Variants in RANBP9 observed in about 807,000 individuals in gnomAD.
RANBP9 encodes the protein ran-binding protein 9.
RANBP9 carries 15 observed loss-of-function variants against 84.3 expected under a neutral mutation model. The ratio of observed to expected loss-of-function variants is 0.18; its 90% CI spans 0.12 to 0.27. The LOEUF (loss-of-function observed/expected upper bound fraction) is 0.27. Ranked by LOEUF, RANBP9 falls within the 10% of genes least tolerant of loss-of-function variation. RANBP9 has a pLI of 1.00. For synonymous variants in RANBP9, 392 were observed against 349.6 expected (o/e 1.12, Z -1.35); for missense variants, 809 against 912.8 (o/e 0.89, Z 1.46).
chr6:13,670,224 C>T (rs145341259), intron 2 of RANBP9, among the ~76,000 whole-genome samples: 199 of 151,780 alleles, frequency 1.3e-3, no homozygotes, highest in African/African-American at 4.5e-3. Flanking sequence ...GCCTGGGAGG[C>T]GGAGGTTGCA....
At chr6:13,693,864 G>A (rs1278037603) in intron 2 of RANBP9, among the ~76,000 whole-genome samples, 1 of 152,040 alleles carries the variant, frequency 6.6e-6, no homozygotes, top group Non-Finnish European at 1.5e-5. Context: ...CCAACATTGT[G>A]AAACCCTGTC....
In RANBP9 at chr6:13,705,406, C is replaced by CAAAAA. The variant is rs774239782; in HGVS notation, c.571+5524_571+5528dup. Reference sequence around the variant, plus strand: ...TGGGCGACAGAGCAAGATTCTGTCTCAAAAAAAAAAAAAAAAAAAAAAAAA... The same window carrying CAAAAA: ...TGGGCGACAGAGCAAGATTCTGTCTCAAAAAAAAAAAAAAAAAAAAAAAAAAAAAA... On this transcript the variant is annotated intron_variant, in intron 1 of 13. Transcript: ENST00000011619. Among the ~76,000 whole-genome samples, 130 of 26,758 alleles carry CAAAAA rather than the reference C, an allele frequency of 4.9e-3. 15 individuals carry two copies. Among genetic ancestry groups the CAAAAA allele is most frequent in the African/African-American group, 0.013 (100 of 7,926 alleles). 17.6% of individuals were successfully genotyped at this position (26,758 alleles called of 152,430 possible). A position where few individuals can be genotyped will look rare whatever the true frequency, so the allele number is the denominator to read the frequency against.
intron 4 of RANBP9, among the ~76,000 whole-genome samples, chr6:13,655,645 G>A (rs1347420787): frequency 6.6e-6 from 1 of 152,102 alleles, no homozygotes; most frequent in Non-Finnish European, 1.5e-5. Context: ...ACCTGTGATT[G>A]TCTTATCTCC....
intron 11 of RANBP9, among the ~76,000 whole-genome samples, chr6:13,633,314 G>A (rs1441854854): frequency 2.6e-5 from 4 of 152,182 alleles, no homozygotes; most frequent in African/African-American, 9.7e-5. Context: ...GATTACAGGC[G>A]TGAGCCACCA....
chr6:13,644,787 C>T lies in RANBP9; in HGVS notation c.928-58G>A, dbSNP rs1361017185. ...CCATTTTATGTTAGATTTAATAATT[C>T]TTTTAATGTTACATTTAAAAGAATA... is the stretch of plus-strand genomic sequence containing the variant. On this transcript the variant is annotated intron_variant, in intron 5 of 13. Transcript: ENST00000011619. 8 of 1,297,422 alleles carry T rather than the reference C, an allele frequency of 6.2e-6. No homozygotes were observed. In the East Asian group the frequency reaches 1.8e-4, roughly 30 times the overall value. 80.4% of individuals were successfully genotyped at this position (1,297,422 alleles called of 1,614,324 possible). A position where few individuals can be genotyped will look rare whatever the true frequency, so the allele number is the denominator to read the frequency against.
chr6:13,658,342 C>T (rs1217182967), intron 3 of RANBP9, among the ~76,000 whole-genome samples: 1 of 152,206 alleles, frequency 6.6e-6, no homozygotes, highest in Non-Finnish European at 1.5e-5. Flanking sequence ...GGCATGGTGG[C>T]TCACGCCTGT....
chr6:13,624,431 A>AACAGC (rs1271750335), intron 13 of RANBP9, among the ~76,000 whole-genome samples: 3 of 152,182 alleles, frequency 2.0e-5, no homozygotes, highest in Non-Finnish European at 2.9e-5. Context: ...TGCAGGGCCA[A>AACAGC]ACAGCACAGC....
At position 13,658,786 on chromosome 6, in the gene RANBP9, G is replaced by A. The variant is rs1236299604; in HGVS notation, c.730C>T (p.Leu244=). The A allele has an allele frequency of 6.4e-7, 1 of 1,564,102 alleles. No homozygotes were observed. The highest frequency in any genetic ancestry group is 1.7e-5 in the Admixed American group (1 of 59,938). The part of the protein sequence containing the change: ...LSAQGVNMNR[L]PGWDKHSYGY... ...AATTCAATTACAAGTGTACCTGGTA[G>A]TCTATTCATGTTCACACCTTGAGCA... The change falls in exon 3 of 14, where the codon CTA becomes TTA. Residue 244 remains leucine (L), a synonymous_variant. Coordinates refer to ENST00000011619, the MANE Select transcript of RANBP9 (RefSeq NM_005493.3).
At chr6:13,676,291 G>GA (rs1316909919) in intron 2 of RANBP9, among the ~76,000 whole-genome samples, 1 of 151,354 alleles carries the variant, frequency 6.6e-6, no homozygotes, top group Non-Finnish European at 1.5e-5. Flanking sequence ...CATATACTCA[G>GA]AAAAAAATAA....
At chr6:13,640,989 G>A (rs1411401716) in intron 8 of RANBP9, among the ~76,000 whole-genome samples, 1 of 151,926 alleles carries the variant, frequency 6.6e-6, no homozygotes, top group Non-Finnish European at 1.5e-5. Flanking sequence ...AATAATAAAA[G>A]CAAATACATA....
chr6:13,624,743 C>A (rs1453753884), intron 13 of RANBP9, among the ~76,000 whole-genome samples: 3 of 152,170 alleles, frequency 2.0e-5, no homozygotes, highest in East Asian at 3.8e-4. Context: ...TGATGCTCAC[C>A]CCTGGCTAAG....
intron 2 of RANBP9, among the ~76,000 whole-genome samples, chr6:13,694,226 T>C (rs2113353391): frequency 6.6e-6 from 1 of 152,310 alleles, no homozygotes; most frequent in Non-Finnish European, 1.5e-5. Flanking sequence ...TGTATATACA[T>C]GTTTACAGTT....
chr6:13,654,634 A>G (rs1182223869), intron 4 of RANBP9, among the ~76,000 whole-genome samples: 1 of 152,202 alleles, frequency 6.6e-6, no homozygotes, highest in Non-Finnish European at 1.5e-5. Flanking sequence ...AGGACTACTA[A>G]TATGTTCTGC....
At chr6:13,670,937 T>C (rs1395349614) in intron 2 of RANBP9, among the ~76,000 whole-genome samples, 2 of 152,032 alleles carry the variant, frequency 1.3e-5, no homozygotes, top group South Asian at 2.1e-4. Context: ...ATATATCTGA[T>C]AGGGTAACTT....
intron 5 of RANBP9, among the ~76,000 whole-genome samples, chr6:13,649,881 G>A (rs1584922860): frequency 1.3e-5 from 2 of 151,956 alleles, no homozygotes; most frequent in Admixed American, 6.6e-5. Flanking sequence ...GGTCACCAAC[G>A]ACCTCTACTC....
chr6:13,651,834 C>A (rs1433609980), intron 5 of RANBP9, among the ~76,000 whole-genome samples: 1 of 152,158 alleles, frequency 6.6e-6, no homozygotes, highest in African/African-American at 2.4e-5. Context: ...TTGCCCAGGT[C>A]TAGATGATCT....
intron 2 of RANBP9, among the ~76,000 whole-genome samples, chr6:13,680,269 T>C: frequency 6.6e-6 from 1 of 151,870 alleles, no homozygotes; most frequent in East Asian, 1.9e-4. Flanking sequence ...ACGAAAAAAC[T>C]TTTCTGAAAT....
intron 1 of RANBP9, among the ~76,000 whole-genome samples, chr6:13,708,260 A>C (rs941630360): frequency 2.7e-5 from 4 of 150,864 alleles, no homozygotes; most frequent in Admixed American, 6.6e-5. Context: ...CATCTCCACA[A>C]AAAAAAAAAT....
At chr6:13,657,335 T>A in intron 3 of RANBP9, 59 bp from the exon 4 acceptor site, 1 of 1,404,276 alleles carries the variant, frequency 7.1e-7, no homozygotes, top group East Asian at 2.3e-5. Flanking sequence ...GTACTAGGTT[T>A]ATTCACTAAG....
Sources: allele counts gnomAD v4.1 joint callset (sites outside exome capture counted in the v4.1 genomes callset), GRCh38; gene constraint gnomAD v4.1.1; transcripts MANE v1.5; gene names NCBI Gene and HGNC (gene_info 2026-07-23, HGNC 2026-07-21).